Variants in ZZEF1 observed in about 807,000 individuals in gnomAD.
ZZEF1 encodes the protein zinc finger ZZ-type and EF-hand domain-containing protein 1.
ZZEF1 carries 157 observed loss-of-function variants against 342.8 expected under a neutral mutation model. The ratio of observed to expected loss-of-function variants is 0.46; its 90% CI spans 0.40 to 0.52. ZZEF1 has a LOEUF of 0.52. ZZEF1 is among the 20% of genes least tolerant of loss of function. The pLI is 0.00. For synonymous variants in ZZEF1, 1,505 were observed against 1,429.1 expected (o/e 1.05, Z -1.20); for missense variants, 3,480 against 3,725.6 (o/e 0.93, Z 1.72).
At chr17:4,056,062 C>T (rs1418909334) in intron 33 of ZZEF1, among the ~76,000 whole-genome samples, 154 bp downstream of exon 33, 1 of 152,208 alleles carries the variant, frequency 6.6e-6, no homozygotes, top group African/African-American at 2.4e-5. Context: ...AGCCTGCATT[C>T]GGTCGCATTC....
rs945244300 is a variant in ZZEF1 at position 4,006,874 on chromosome 17, C to T, written c.*16G>A. 6.4e-7 allele frequency: 1 copy of T among 1,571,162 alleles called. No homozygotes were observed. Among genetic ancestry groups the T allele is most frequent in the Non-Finnish European group, 8.6e-7 (1 of 1,156,748 alleles). On this transcript the variant is annotated 3_prime_UTR_variant, in exon 55 of 55. Transcript: ENST00000381638. The stretch of plus-strand genomic sequence containing the variant: ...CTGTGGCAGATGAACTAGTCCCATG[C>T]ACGCCCCACCAAGGGCTAACACTCC...
At chr17:4,113,105 A>G (rs2058341060) in intron 4 of ZZEF1, among the ~76,000 whole-genome samples, 2 of 152,256 alleles carry the variant, frequency 1.3e-5, no homozygotes, top group South Asian at 4.1e-4. Context: ...CAAAAAAGCT[A>G]ATTTTAAACT....
intron 2 of ZZEF1, among the ~76,000 whole-genome samples, chr17:4,123,020 C>T (rs182821449): frequency 3.0e-3 from 443 of 148,504 alleles, no homozygotes; most frequent in Non-Finnish European, 5.0e-3. Flanking sequence ...CCCAGGTTAA[C>T]GCCATTCTCC....
Position 4,142,945 on chromosome 17 carries a change from C to T in ZZEF1, c.-50G>A. 2.3e-6 allele frequency: 3 copies of T among 1,302,336 alleles called. No homozygotes were observed. Among genetic ancestry groups the T allele is most frequent in the Non-Finnish European group, 2.9e-6 (3 of 1,029,150 alleles). The allele number at this position is 1,302,336 out of a possible 1,614,324, so 80.7% of individuals were successfully genotyped here. ...CTCTGCAGCCGCCGCCGCCGCCTCCCCGCCTCGACCTGTCAACCTCCGACA... is the reference window on the plus strand; with the variant it reads ...CTCTGCAGCCGCCGCCGCCGCCTCCTCGCCTCGACCTGTCAACCTCCGACA... On this transcript the variant is annotated 5_prime_UTR_variant, in exon 1 of 55. Coordinates refer to ENST00000381638, the MANE Select transcript of ZZEF1 (RefSeq NM_015113.4).
intron 9 of ZZEF1, among the ~76,000 whole-genome samples, chr17:4,100,762 G>C (rs147993004): frequency 0.015 from 2,304 of 152,316 alleles, 60 homozygotes; most frequent in African/African-American, 0.053. Context: ...TTGAACCCGG[G>C]AGGAGGAGGT....
chr17:4,013,310 G>A, intron 52 of ZZEF1, 139 bp downstream of exon 52: 1 of 843,484 alleles, frequency 1.2e-6, no homozygotes. Context: ...CTAGCATAAA[G>A]CAAATGACTG....
In ZZEF1 at chr17:4,017,523, G is replaced by A. The variant is rs1319781748; in HGVS notation, c.7849C>T (p.Leu2617=). 4.3e-6 allele frequency: 7 copies of A among 1,614,276 alleles called. No individual in the cohort carries two copies. Among genetic ancestry groups the A allele is most frequent in the East Asian group, 4.5e-5 (2 of 44,892 alleles). The change falls in exon 48 of 55, where the codon CTG becomes TTG. Residue 2617 remains leucine (L), a synonymous_variant. Coordinates refer to ENST00000381638, the MANE Select transcript of ZZEF1 (RefSeq NM_015113.4). This position sits in a 1 kb window ranked among gnomAD's most constrained non-coding sequence, Gnocchi z 5.1. The part of the protein sequence containing the change: ...LFRVNEATAV[L]YARHVLASLL... ...GATGCAAGCACGTGGCGGGCGTACA[G>A]GACAGCTGTGGCCTCGTTCACTCGG...
Position 4,064,504 on chromosome 17 carries a change from C to T in ZZEF1, c.4575G>A (p.Arg1525=), listed in dbSNP as rs1396621667. Residue 1525 remains arginine, a synonymous_variant, in exon 29 of 55, where the codon CGG becomes CGA. Transcript: ENST00000381638. ...GGAGTCGCCCTCGGGTGAAGGGAGG[C>T]CGGCGGGTGGGTGTGGAAGGTGACA... ...EPLSPSTPTR[R]PPFTRGRLRL... is the part of the protein sequence containing the mutation. 1.2e-6 allele frequency: 2 copies of T among 1,614,136 alleles called. No individual in the cohort carries two copies. Among genetic ancestry groups the T allele is most frequent in the Admixed American group, 1.7e-5 (1 of 60,000 alleles).
At chr17:4,110,858 G>C (rs1041583272) in intron 5 of ZZEF1, among the ~76,000 whole-genome samples, 2 of 152,058 alleles carry the variant, frequency 1.3e-5, no homozygotes, top group African/African-American at 4.8e-5. Context: ...GGGATTACAG[G>C]CATGCGCCAC....
intron 8 of ZZEF1, among the ~76,000 whole-genome samples, chr17:4,103,345 C>A (rs548101786): frequency 6.6e-6 from 1 of 151,670 alleles, no homozygotes; most frequent in African/African-American, 2.4e-5. Flanking sequence ...GAGTTTGAGA[C>A]CAGCCTGGTC....
intron 5 of ZZEF1, 123 bp downstream of exon 5, chr17:4,112,486 T>C (rs930625467): frequency 9.2e-6 from 9 of 979,780 alleles, no homozygotes; most frequent in Non-Finnish European, 1.4e-5. Context: ...AATGAAATAA[T>C]GAACACTTTT....
chr17:4,112,652 A>C lies in ZZEF1; in HGVS notation c.1023T>G (p.Thr341=). Reference sequence around the variant, plus strand: ...CATTTTCCAGCAGCGTCACATAGCCAGTGACATTGCTGGGGATGTGCACAT... The same window carrying C: ...CATTTTCCAGCAGCGTCACATAGCCCGTGACATTGCTGGGGATGTGCACAT... ...VRDVHIPSNV[T]GYVTLLENAN... The change falls in exon 5 of 55, where the codon ACT becomes ACG. Residue 341 remains threonine (T), a synonymous_variant. Transcript: ENST00000381638. 6.2e-7 allele frequency: 1 copy of C among 1,614,192 alleles called. No individual in the cohort carries two copies. The highest frequency in any genetic ancestry group is 8.5e-7 in the Non-Finnish European group (1 of 1,180,032).
At chr17:4,077,688 A>G (rs1252977657) in intron 19 of ZZEF1, among the ~76,000 whole-genome samples, 195 bp downstream of exon 19, 2 of 152,222 alleles carry the variant, frequency 1.3e-5, no homozygotes, top group African/African-American at 4.8e-5. Flanking sequence ...GCATACCACC[A>G]CACTCAGAGA....
chr17:4,024,187 T>TTTTTTTTTTG (rs1491328558), intron 43 of ZZEF1, among the ~76,000 whole-genome samples: 2 of 80,176 alleles, frequency 2.5e-5, no homozygotes, highest in Admixed American at 1.3e-4. Flanking sequence ...ATTGCCCAGG[T>TTTTTTTTTTG]TTTTTTTTTT....
At chr17:4,141,775 T>G (rs1462154525) in intron 1 of ZZEF1, among the ~76,000 whole-genome samples, 1 of 151,404 alleles carries the variant, frequency 6.6e-6, no homozygotes, top group African/African-American at 2.4e-5. Context: ...AATGATTCAC[T>G]GGGTAACCCT....
chr17:4,121,573 T>C (rs1356792045), intron 2 of ZZEF1, among the ~76,000 whole-genome samples: 1 of 152,082 alleles, frequency 6.6e-6, no homozygotes, highest in East Asian at 1.9e-4. Flanking sequence ...CTGCAGTGAA[T>C]GGAGATCCCA....
chr17:4,131,053 G>C (rs1901750720), intron 1 of ZZEF1, among the ~76,000 whole-genome samples: 1 of 152,126 alleles, frequency 6.6e-6, no homozygotes, highest in Admixed American at 6.6e-5. Context: ...AACTGTGAGA[G>C]AGCAGAAGAA....
intron 40 of ZZEF1, 97 bp downstream of exon 40, chr17:4,033,918 C>A: frequency 6.7e-7 from 1 of 1,489,474 alleles, no homozygotes; most frequent in Non-Finnish European, 9.2e-7. Context: ...AACTGTAGCA[C>A]ACCGAAATTA....
intron 26 of ZZEF1, among the ~76,000 whole-genome samples, chr17:4,068,667 A>G (rs181654817): frequency 6.6e-6 from 1 of 152,340 alleles, no homozygotes; most frequent in East Asian, 1.9e-4. Flanking sequence ...AATATACTAG[A>G]ACAGCATGAA....
Sources: allele counts gnomAD v4.1 joint callset (sites outside exome capture counted in the v4.1 genomes callset), GRCh38; gene constraint gnomAD v4.1.1; non-coding constraint Gnocchi (gnomAD v3.1); transcripts MANE v1.5; gene names NCBI Gene and HGNC (gene_info 2026-07-23, HGNC 2026-07-21).